ARHGAP15: variants seen among roughly 807,000 people sequenced by gnomAD.
The protein encoded by ARHGAP15 is rho GTPase-activating protein 15.
ARHGAP15 carries 51 observed loss-of-function variants against 63.7 expected under a neutral mutation model. The observed-to-expected ratio is 0.80, with a 90% CI of 0.64 to 1.01. ARHGAP15 has a LOEUF of 1.01. Ranked by LOEUF, ARHGAP15 falls within the 50% of genes least tolerant of loss-of-function variation. The pLI is 0.00. For synonymous variants in ARHGAP15, 191 were observed against 193.8 expected, an observed-to-expected ratio of 0.99 and a Z score of 0.12; for missense variants, 560 against 564.6, an observed-to-expected ratio of 0.99 and a Z score of 0.08.
At chr2:143,411,725 A>G (rs752527544) in intron 6 of ARHGAP15, among the ~76,000 whole-genome samples, 27 of 152,244 alleles carry the variant, frequency 1.8e-4, no homozygotes, top group Non-Finnish European at 3.5e-4. Flanking sequence ...ATCTGGATTC[A>G]TGAAGTCTAC....
At chr2:143,384,161 T>C (rs992798379) in intron 6 of ARHGAP15, among the ~76,000 whole-genome samples, 2 of 152,160 alleles carry the variant, frequency 1.3e-5, no homozygotes, top group Non-Finnish European at 2.9e-5. Flanking sequence ...TTTAAAAATC[T>C]CAGGACATTT....
At chr2:143,153,834 T>TCCTCCTCCTCC (rs1558779487) in intron 1 of ARHGAP15, among the ~76,000 whole-genome samples, 3 of 71,772 alleles carry the variant, frequency 4.2e-5, no homozygotes, top group Non-Finnish European at 8.3e-5. Flanking sequence ...CTTCTTCTTC[T>TCCTCCTCCTCC]TCTTCTTCTT....
At chr2:143,659,342 C>T (rs146381286) in intron 12 of ARHGAP15, among the ~76,000 whole-genome samples, 10 of 152,130 alleles carry the variant, frequency 6.6e-5, no homozygotes, top group African/African-American at 2.4e-4. Context: ...GTAACTATTA[C>T]ACAGTGTATA....
chr2:143,369,844 CTATTAT>C (rs949405295), intron 6 of ARHGAP15, among the ~76,000 whole-genome samples: 2 of 151,898 alleles, frequency 1.3e-5, no homozygotes, highest in African/African-American at 4.8e-5. Flanking sequence ...CTTCCTCCTC[CTATTAT>C]TATTATATCA....
intron 10 of ARHGAP15, among the ~76,000 whole-genome samples, chr2:143,545,916 G>A (rs941562816): frequency 6.6e-6 from 1 of 152,092 alleles, no homozygotes; most frequent in Non-Finnish European, 1.5e-5. Context: ...GAAAATGTTC[G>A]CTTTTCAAAC....
intron 11 of ARHGAP15, among the ~76,000 whole-genome samples, chr2:143,561,897 T>A (rs1375383250): frequency 1.3e-5 from 2 of 152,188 alleles, no homozygotes; most frequent in Non-Finnish European, 1.5e-5. Flanking sequence ...AATATACAAA[T>A]GCTATAAATC....
intron 6 of ARHGAP15, among the ~76,000 whole-genome samples, chr2:143,421,088 T>C (rs1179844834): frequency 6.6e-6 from 1 of 152,210 alleles, no homozygotes; most frequent in Admixed American, 6.5e-5. Context: ...CCTCTCCAGA[T>C]CATGGTGAGG....
chr2:143,203,144 C>T (rs924428697), intron 3 of ARHGAP15, among the ~76,000 whole-genome samples: 3 of 152,060 alleles, frequency 2.0e-5, no homozygotes, highest in Non-Finnish European at 4.4e-5. Context: ...CTATTTCATC[C>T]CTGTTATCTT....
At chr2:143,193,659 C>G (rs1294940186) in intron 2 of ARHGAP15, among the ~76,000 whole-genome samples, 2 of 152,100 alleles carry the variant, frequency 1.3e-5, no homozygotes, top group African/African-American at 4.8e-5. Flanking sequence ...TATAATTGTT[C>G]AAAGCTTGGC....
At chr2:143,290,984 T>A (rs914335172) in intron 6 of ARHGAP15, among the ~76,000 whole-genome samples, 4 of 151,724 alleles carry the variant, frequency 2.6e-5, no homozygotes, top group African/African-American at 9.7e-5. Context: ...GAAGACAGGG[T>A]GTTATGAAGT....
intron 6 of ARHGAP15, among the ~76,000 whole-genome samples, chr2:143,414,553 G>T (rs979878202): frequency 6.6e-6 from 1 of 152,110 alleles, no homozygotes; most frequent in Non-Finnish European, 1.5e-5. Flanking sequence ...ACCTGAAAGA[G>T]CATAAGGAAC....
chr2:143,706,301 A>G (rs207462508), intron 13 of ARHGAP15: 1 of 152,232 alleles, frequency 6.6e-6, no homozygotes, highest in Non-Finnish European at 1.5e-5. Context: ...TGAAAGAATC[A>G]TTAGAATGTT....
chr2:143,450,571 C>A (rs962573248), intron 8 of ARHGAP15, among the ~76,000 whole-genome samples: 1 of 151,788 alleles, frequency 6.6e-6, no homozygotes, highest in African/African-American at 2.4e-5. Flanking sequence ...AGTTTTAATT[C>A]TTTAACACAG....
chr2:143,608,525 TTAG>T (rs2105210938), intron 11 of ARHGAP15: 1 of 152,338 alleles, frequency 6.6e-6, no homozygotes, highest in African/African-American at 2.4e-5. Context: ...AGATTAACAA[TTAG>T]TAGATTCTGT....
chr2:143,330,048 C>A (rs560531540), intron 6 of ARHGAP15, among the ~76,000 whole-genome samples: 33 of 124,220 alleles, frequency 2.7e-4, no homozygotes, highest in African/African-American at 9.9e-4. Context: ...GCCTAGATTG[C>A]ACCACTACAC....
At chr2:143,521,152 C>T (rs1694049283) in intron 10 of ARHGAP15, among the ~76,000 whole-genome samples, 1 of 152,154 alleles carries the variant, frequency 6.6e-6, no homozygotes, top group Non-Finnish European at 1.5e-5. Flanking sequence ...GCTAATCACA[C>T]ATATGATTAT....
intron 11 of ARHGAP15, among the ~76,000 whole-genome samples, chr2:143,617,258 T>A (rs1211710252): frequency 2.6e-5 from 4 of 152,206 alleles, no homozygotes; most frequent in Admixed American, 2.0e-4. Flanking sequence ...GTTGAGAAGA[T>A]GTATAGGTAT....
intron 10 of ARHGAP15, among the ~76,000 whole-genome samples, chr2:143,533,486 T>C (rs1029810959): frequency 1.3e-5 from 2 of 152,200 alleles, no homozygotes; most frequent in Non-Finnish European, 2.9e-5. Context: ...AAATATCATT[T>C]ATACTCCAGC....
At chr2:143,332,235 A>C (rs1006780617) in intron 6 of ARHGAP15, among the ~76,000 whole-genome samples, 1 of 152,174 alleles carries the variant, frequency 6.6e-6, no homozygotes, top group Non-Finnish European at 1.5e-5. Flanking sequence ...GAGTAGAAGG[A>C]AAGGGAACTA....
Sources: gnomAD v4.1 joint callset for allele counts (sites outside exome capture counted in the v4.1 genomes callset) on GRCh38, gnomAD v4.1.1 for gene constraint, MANE v1.5 for transcripts, NCBI Gene and HGNC (gene_info 2026-07-23, HGNC 2026-07-21) for gene names.